PRKG1: variants seen among roughly 807,000 people sequenced by gnomAD.
The protein encoded by PRKG1 is cGMP-dependent protein kinase 1.
PRKG1 carries 35 observed loss-of-function variants against 88.1 expected under a neutral mutation model. That is an observed-to-expected ratio of 0.40 (90% CI 0.30 to 0.53). The LOEUF is 0.53. Ranked by LOEUF, PRKG1 falls within the 20% of genes least tolerant of loss-of-function variation. The pLI is 0.59. For missense variants in PRKG1, 540 were observed against 839.8 expected (o/e 0.64, Z 4.41); for synonymous variants, 303 against 292.5 (o/e 1.04, Z -0.37).
chr10:51,712,303 G>C (rs1841772921), intron 3 of PRKG1, among the ~76,000 whole-genome samples: 1 of 152,176 alleles, frequency 6.6e-6, no homozygotes, highest in Non-Finnish European at 1.5e-5. Context: ...TTCAGGGGAA[G>C]ATCAGAAAGT....
chr10:51,789,766 T>C lies in PRKG1; in HGVS notation c.593-14819T>C, dbSNP rs574956847. On this transcript the variant is annotated intron_variant, in intron 3 of 17. Transcript: ENST00000373980. ...TACATTTCTTGCCTTCAAATAATTCTGTGCTTCTGTATGCCAGTTTTCTTG... is the reference window on the plus strand; with the variant it reads ...TACATTTCTTGCCTTCAAATAATTCCGTGCTTCTGTATGCCAGTTTTCTTG... Among the ~76,000 whole-genome samples the C allele has an allele frequency of 2.9e-4, 44 of 152,270 alleles. No individual in the cohort carries two copies. The South Asian group carries it at 9.1e-3, about 32-fold the overall frequency.
intron 5 of PRKG1, among the ~76,000 whole-genome samples, chr10:51,920,351 G>A (rs1052387819): frequency 1.6e-4 from 24 of 152,184 alleles, no homozygotes; most frequent in African/African-American, 5.5e-4. Context: ...ATAAGGCCCC[G>A]GGGAGAGAGC....
chr10:51,903,427 G>A (rs1443731430), intron 4 of PRKG1, among the ~76,000 whole-genome samples: 1 of 152,052 alleles, frequency 6.6e-6, no homozygotes, highest in Admixed American at 6.6e-5. Flanking sequence ...TTTTTAGGAT[G>A]TGTATGCTGA....
chr10:51,253,150 C>A (rs1839469534), intron 2 of PRKG1, among the ~76,000 whole-genome samples: 1 of 151,812 alleles, frequency 6.6e-6, no homozygotes, highest in Non-Finnish European at 1.5e-5. Context: ...CTATAGAAAT[C>A]ATGAAAGTAT....
intron 2 of PRKG1, among the ~76,000 whole-genome samples, chr10:51,416,303 C>T (rs1588936316): frequency 6.6e-6 from 1 of 152,118 alleles, no homozygotes; most frequent in East Asian, 1.9e-4. Context: ...ACAGTATTCC[C>T]CTTTTTCCTT....
At chr10:51,270,883 AGTTT>A (rs1394001539) in intron 2 of PRKG1, among the ~76,000 whole-genome samples, 1 of 152,216 alleles carries the variant, frequency 6.6e-6, no homozygotes, top group Non-Finnish European at 1.5e-5. Flanking sequence ...AAAATGTGAT[AGTTT>A]ATTGATCCAA....
At chr10:51,032,430 A>G (rs1843295589) in intron 1 of PRKG1, among the ~76,000 whole-genome samples, 1 of 152,016 alleles carries the variant, frequency 6.6e-6, no homozygotes, top group Non-Finnish European at 1.5e-5. Context: ...TCCACAGACA[A>G]TGAAGATAAT....
chr10:52,170,440 A>C (rs1838634499), intron 9 of PRKG1, among the ~76,000 whole-genome samples: 1 of 152,222 alleles, frequency 6.6e-6, no homozygotes, highest in African/African-American at 2.4e-5. Flanking sequence ...GCTAGTATGC[A>C]AAACAGGACC....
At chr10:51,170,301 A>G (rs1846668776) in intron 2 of PRKG1, among the ~76,000 whole-genome samples, 1 of 152,104 alleles carries the variant, frequency 6.6e-6, no homozygotes, top group African/African-American at 2.4e-5. Flanking sequence ...TGTTGATATA[A>G]TACAGGGAAT....
chr10:51,438,724 CACTT>C (rs1212236683), intron 2 of PRKG1, among the ~76,000 whole-genome samples: 2 of 151,926 alleles, frequency 1.3e-5, no homozygotes, highest in Non-Finnish European at 2.9e-5. Flanking sequence ...CTACAGCTTA[CACTT>C]ACTTGTTATC....
chr10:51,045,082 T>TTAAGAG (rs1170269606), intron 1 of PRKG1, among the ~76,000 whole-genome samples: 2 of 152,290 alleles, frequency 1.3e-5, no homozygotes, highest in African/African-American at 4.8e-5. Flanking sequence ...AAATTGTCTC[T>TTAAGAG]TAAAACACTT....
At chr10:51,073,955 C>T (rs1052730154), upstream of PRKG1, among the ~76,000 whole-genome samples, 7 of 152,150 alleles carry the variant, frequency 4.6e-5, no homozygotes, top group Non-Finnish European at 7.4e-5. Flanking sequence ...GAACTCAGAG[C>T]TTTGATGATG....
At chr10:52,127,200 A>C (rs1016399667) in intron 7 of PRKG1, among the ~76,000 whole-genome samples, 3 of 152,292 alleles carry the variant, frequency 2.0e-5, no homozygotes, top group South Asian at 2.1e-4. Context: ...AGAGTTAAAA[A>C]ATGAATCCAA....
chr10:51,876,858 G>A (rs571189743), intron 4 of PRKG1, among the ~76,000 whole-genome samples: 1 of 152,148 alleles, frequency 6.6e-6, no homozygotes, highest in African/African-American at 2.4e-5. Flanking sequence ...CTAGGGCCTG[G>A]GTTTTACCTG....
intron 3 of PRKG1, among the ~76,000 whole-genome samples, chr10:51,649,903 A>C (rs547154318): frequency 6.6e-6 from 1 of 152,318 alleles, no homozygotes; most frequent in South Asian, 2.1e-4. Context: ...TACAAAGGTC[A>C]CATTCCTGTG....
intron 1 of PRKG1, among the ~76,000 whole-genome samples, chr10:51,021,774 G>A (rs952822318): frequency 1.8e-4 from 27 of 152,120 alleles, no homozygotes; most frequent in African/African-American, 3.4e-4. Flanking sequence ...TCTGCCTTCC[G>A]GATTCAAGTG....
intron 5 of PRKG1, among the ~76,000 whole-genome samples, chr10:51,933,510 A>ATGG (rs1242604719): frequency 3.9e-5 from 6 of 152,094 alleles, no homozygotes; most frequent in Middle Eastern, 3.2e-3. Flanking sequence ...GTAACTATCA[A>ATGG]TTCAACTACA....
chr10:52,234,581 T>C (rs1406786706), intron 9 of PRKG1, among the ~76,000 whole-genome samples: 35 of 144,224 alleles, frequency 2.4e-4, no homozygotes, highest in African/African-American at 9.1e-4. Flanking sequence ...GAAGATGAAA[T>C]GAATGAAATG....
At chr10:51,782,758 C>T (rs1402723861) in intron 3 of PRKG1, among the ~76,000 whole-genome samples, 1 of 152,092 alleles carries the variant, frequency 6.6e-6, no homozygotes, top group Admixed American at 6.6e-5. Flanking sequence ...TCTGTCTTTG[C>T]CTGCTGCCAT....
Sources: gnomAD v4.1 joint callset for allele counts (sites outside exome capture counted in the v4.1 genomes callset) on GRCh38, gnomAD v4.1.1 for gene constraint, MANE v1.5 for transcripts, NCBI Gene and HGNC (gene_info 2026-07-23, HGNC 2026-07-21) for gene names.